IRAK1BP1: variants seen among roughly 807,000 people sequenced by gnomAD.
The protein encoded by IRAK1BP1 is interleukin 1 receptor associated kinase 1 binding protein 1.
Under a neutral mutation model 28.0 loss-of-function variants are expected in IRAK1BP1, and 24 were observed. That is an observed-to-expected ratio of 0.86 (90% CI 0.62 to 1.20). IRAK1BP1 has a LOEUF of 1.20. Among genes scored for constraint, IRAK1BP1 ranks in the 50% most tolerant of loss-of-function variants. The pLI, the probability that IRAK1BP1 is intolerant of heterozygous loss-of-function variation, is 0.00. For missense variants in IRAK1BP1, 336 were observed against 316.7 expected (o/e 1.06, Z -0.46); for synonymous variants, 131 against 116.3 (o/e 1.13, Z -0.81).
At chr6:78,951,341 C>T (rs543984621), downstream of IRAK1BP1, among the ~76,000 whole-genome samples, 16 of 152,072 alleles carry the variant, frequency 1.1e-4, no homozygotes, top group East Asian at 1.5e-3. Flanking sequence ...AATAAATGAA[C>T]GTTGTAGAAT....
intron 4 of IRAK1BP1, among the ~76,000 whole-genome samples, chr6:78,942,736 C>G (rs1013507595): frequency 6.6e-6 from 1 of 152,108 alleles, no homozygotes; most frequent in Admixed American, 6.6e-5. Context: ...TACAAGGGTT[C>G]TAAATATCCA....
intron 2 of IRAK1BP1, among the ~76,000 whole-genome samples, chr6:78,888,295 C>T (rs1771502315): frequency 6.6e-6 from 1 of 152,120 alleles, no homozygotes; most frequent in African/African-American, 2.4e-5. Flanking sequence ...ACAGTTAACA[C>T]AGTGTTGTGC....
chr6:78,873,930 T>TC (rs1243853264), intron 1 of IRAK1BP1, among the ~76,000 whole-genome samples: 1 of 152,224 alleles, frequency 6.6e-6, no homozygotes, highest in East Asian at 1.9e-4. Flanking sequence ...CTGAAGTCTG[T>TC]CTTTCCTTTA....
rs1403061353 is a variant in IRAK1BP1 at position 78,867,866 on chromosome 6, A to G, written c.290A>G (p.Gln97Arg). 1 of 1,602,452 alleles carries G rather than the reference A, an allele frequency of 6.2e-7. No homozygotes were observed. The highest frequency in any genetic ancestry group is 8.5e-7 in the Non-Finnish European group (1 of 1,174,070). ...SVCRRLDYIT[Q>R]SLQQQGVQAE... is the part of the protein sequence containing the mutation. The stretch of plus-strand genomic sequence containing the variant: ...TGTCGCCGTCTAGATTACATCACGC[A>G]GAGCCTCCAGCAGCAGGGCGTGCAG... The change falls in exon 1 of 4, where the codon CAG becomes CGG. Residue 97 changes from glutamine to arginine, a missense_variant. Gln to Arg is a conservative substitution (Grantham distance 43, BLOSUM62 1). Transcript: ENST00000369940.
intron 2 of IRAK1BP1, among the ~76,000 whole-genome samples, chr6:78,896,926 T>C (rs1253206763): frequency 6.6e-6 from 1 of 152,126 alleles, no homozygotes; most frequent in Non-Finnish European, 1.5e-5. Context: ...CTGTAGTATC[T>C]GTATTTTGTT....
chr6:78,976,605 A>G, the IRAK1BP1 span, among the ~76,000 whole-genome samples: 2 of 143,320 alleles, frequency 1.4e-5, no homozygotes, highest in Non-Finnish European at 3.1e-5. Context: ...AAAATGGGAG[A>G]AAATTTTCGC....
the IRAK1BP1 span, among the ~76,000 whole-genome samples, chr6:78,974,735 C>T: frequency 6.6e-6 from 1 of 152,058 alleles, no homozygotes; most frequent in Admixed American, 6.6e-5. Flanking sequence ...TCAGAGAATA[C>T]TACAAACACT....
chr6:78,876,584 T>C (rs1279557977), intron 1 of IRAK1BP1, among the ~76,000 whole-genome samples: 1 of 152,226 alleles, frequency 6.6e-6, no homozygotes, highest in Admixed American at 6.5e-5. Context: ...CATTATGGAT[T>C]GGATAACTCG....
At chr6:78,913,406 G>A (rs1391576529) in intron 4 of IRAK1BP1, among the ~76,000 whole-genome samples, 3 of 152,258 alleles carry the variant, frequency 2.0e-5, no homozygotes, top group African/African-American at 7.2e-5. Flanking sequence ...AACATTTTGG[G>A]AGGCCGAGGC....
intron 2 of IRAK1BP1, among the ~76,000 whole-genome samples, chr6:78,890,005 G>A (rs1005735011): frequency 6.6e-6 from 1 of 152,068 alleles, no homozygotes; most frequent in Admixed American, 6.5e-5. Flanking sequence ...CAACAGCAAC[G>A]ACTTGGAACC....
At chr6:78,968,444 T>C in the IRAK1BP1 span, among the ~76,000 whole-genome samples, 1 of 152,160 alleles carries the variant, frequency 6.6e-6, no homozygotes, top group Non-Finnish European at 1.5e-5. Context: ...ACAGTATTAG[T>C]GGGATGTGAA....
At chr6:78,872,814 A>G (rs944703120) in intron 1 of IRAK1BP1, among the ~76,000 whole-genome samples, 5 of 152,182 alleles carry the variant, frequency 3.3e-5, no homozygotes, top group South Asian at 2.1e-4. Flanking sequence ...AATTTTGCCA[A>G]CTTAGCAGTC....
At chr6:78,946,028 T>C (rs1381682467) in exon 5 of IRAK1BP1, 2 of 1,609,582 alleles carry the variant, frequency 1.2e-6, no homozygotes, top group Admixed American at 3.3e-5. Context: ...GCAGATGCAT[T>C]AGCTTTTGTA....
At chr6:78,947,623 C>T (rs1363133370), downstream of IRAK1BP1, 1 of 1,364,624 alleles carries the variant, frequency 7.3e-7, no homozygotes. Flanking sequence ...AATTATATAC[C>T]CTTGATCTTT....
intron 4 of IRAK1BP1, among the ~76,000 whole-genome samples, chr6:78,920,421 A>G (rs576484386): frequency 1.3e-4 from 20 of 152,234 alleles, no homozygotes; most frequent in Middle Eastern, 3.2e-3. Context: ...GTACTGGTAC[A>G]AAAACAGACA....
intron 4 of IRAK1BP1, among the ~76,000 whole-genome samples, chr6:78,914,695 C>G (rs1772512961): frequency 6.6e-6 from 1 of 152,128 alleles, no homozygotes; most frequent in Admixed American, 6.6e-5. Flanking sequence ...TTGTCACTGC[C>G]TACATGTAAT....
At chr6:78,915,926 G>T (rs1029779138) in intron 4 of IRAK1BP1, among the ~76,000 whole-genome samples, 2 of 152,162 alleles carry the variant, frequency 1.3e-5, no homozygotes, top group African/African-American at 4.8e-5. Context: ...ATGATGTTTT[G>T]TTACCAGTCA....
chr6:78,882,342 G>A (rs1771260037), intron 1 of IRAK1BP1, among the ~76,000 whole-genome samples: 1 of 152,134 alleles, frequency 6.6e-6, no homozygotes, highest in Admixed American at 6.6e-5. Flanking sequence ...AAATAAAGTA[G>A]TATTTATTGA....
chr6:78,953,541 G>GCAT, the IRAK1BP1 span, among the ~76,000 whole-genome samples: 1 of 152,168 alleles, frequency 6.6e-6, no homozygotes, highest in Non-Finnish European at 1.5e-5. Context: ...GAACATTATA[G>GCAT]CATCAGCTCA....
Sources: gnomAD v4.1 joint callset for allele counts (sites outside exome capture counted in the v4.1 genomes callset) on GRCh38, gnomAD v4.1.1 for gene constraint, MANE v1.5 for transcripts, NCBI Gene and HGNC (gene_info 2026-07-23, HGNC 2026-07-21) for gene names.